The following NCKAP1 variants were observed in gnomAD, a reference collection of about 807,000 sequenced individuals.
NCKAP1 encodes the protein NCK associated protein 1, also known as nck-associated protein 1.
NCKAP1 carries 21 observed loss-of-function variants against 151.2 expected under a neutral mutation model. The observed-to-expected ratio is 0.14, with a 90% CI of 0.10 to 0.20. NCKAP1 has a LOEUF of 0.20. NCKAP1 is among the 10% of genes least tolerant of loss of function. The pLI, the probability that NCKAP1 is intolerant of heterozygous loss-of-function variation, is 1.00. For synonymous variants in NCKAP1, 484 were observed against 451.8 expected, an observed-to-expected ratio of 1.07 and a Z score of -0.90; for missense variants, 933 against 1,352.1, an observed-to-expected ratio of 0.69 and a Z score of 4.86.
At chr2:183,028,730 A>G (rs1366349442) in intron 1 of NCKAP1, among the ~76,000 whole-genome samples, 1 of 152,148 alleles carries the variant, frequency 6.6e-6, no homozygotes, top group African/African-American at 2.4e-5. Flanking sequence ...TAGTTAATAA[A>G]TAAGTTCCAA....
At chr2:182,946,609 A>G (rs1354214528) in intron 23 of NCKAP1, among the ~76,000 whole-genome samples, 12 of 152,114 alleles carry the variant, frequency 7.9e-5, no homozygotes, top group Admixed American at 7.2e-4. Context: ...GAAAGAAAAA[A>G]AAAATGCTCA....
intron 8 of NCKAP1, among the ~76,000 whole-genome samples, chr2:182,989,978 A>C: frequency 6.6e-6 from 1 of 151,270 alleles, no homozygotes; most frequent in East Asian, 1.9e-4. Flanking sequence ...TGACAGAGCA[A>C]GACTCTGTCT....
intron 23 of NCKAP1, among the ~76,000 whole-genome samples, chr2:182,946,712 G>A (rs1287199965): frequency 7.4e-6 from 1 of 135,394 alleles, no homozygotes; most frequent in Non-Finnish European, 1.6e-5. Flanking sequence ...TCAAGTCAGA[G>A]GTAAAAAAAT....
chr2:182,973,119 T>C (rs1216584406), intron 15 of NCKAP1, among the ~76,000 whole-genome samples: 2 of 152,154 alleles, frequency 1.3e-5, no homozygotes, highest in African/African-American at 2.4e-5. Flanking sequence ...TTATACACTG[T>C]ATGCTTGTAT....
At position 182,924,342 on chromosome 2, in the gene NCKAP1, G is replaced by GTA. The variant is rs1696599897; in HGVS notation, c.*1358_*1359dup. On this transcript the variant is annotated 3_prime_UTR_variant, in exon 31 of 31. Coordinates refer to ENST00000361354, the MANE Select transcript of NCKAP1 (RefSeq NM_013436.5). ...TTTTATCTTAACACAAGTTACCAGT[G>GTA]TATACATAAGAAGCTGTGAACAGAA... 6.6e-6 allele frequency: 1 copy of GTA among 152,154 alleles called. No individual in the cohort carries two copies. The highest frequency in any genetic ancestry group is 1.5e-5 in the Non-Finnish European group (1 of 68,032). 9.4% of individuals were successfully genotyped at this position (152,154 alleles called of 1,614,324 possible).
intron 2 of NCKAP1, among the ~76,000 whole-genome samples, chr2:183,017,912 AACT>A (rs1282412771): frequency 6.6e-6 from 1 of 152,182 alleles, no homozygotes; most frequent in Admixed American, 6.5e-5. Flanking sequence ...GGAAACAATG[AACT>A]ACTCCTTGAG....
intron 10 of NCKAP1, 86 bp from the exon 11 acceptor site, chr2:182,983,468 T>A: frequency 1.1e-6 from 1 of 915,778 alleles, no homozygotes; most frequent in South Asian, 1.8e-5. Flanking sequence ...TAGGTGCAAC[T>A]TCCAAAGTCT....
chr2:182,996,702 T>C (rs1698277112), intron 6 of NCKAP1, among the ~76,000 whole-genome samples: 1 of 152,160 alleles, frequency 6.6e-6, no homozygotes, highest in African/African-American at 2.4e-5. Context: ...CTGATCCGCC[T>C]GCATCGGCCT....
chr2:182,997,634 T>C (rs1469232884), intron 6 of NCKAP1, among the ~76,000 whole-genome samples: 1 of 152,198 alleles, frequency 6.6e-6, no homozygotes, highest in African/African-American at 2.4e-5. Flanking sequence ...TATTGAGATT[T>C]GCTTTATGAA....
At chr2:182,970,581 G>GA (rs1697666394) in intron 15 of NCKAP1, among the ~76,000 whole-genome samples, 1 of 151,874 alleles carries the variant, frequency 6.6e-6, no homozygotes, top group Non-Finnish European at 1.5e-5. Flanking sequence ...ACTAGGTATG[G>GA]AAAAAAACAT....
intron 15 of NCKAP1, among the ~76,000 whole-genome samples, chr2:182,968,255 A>G (rs1302849903): frequency 2.0e-5 from 3 of 152,208 alleles, no homozygotes; most frequent in Admixed American, 1.3e-4. Context: ...GCAGAAATCT[A>G]TTAGAAGGCA....
intron 2 of NCKAP1, among the ~76,000 whole-genome samples, chr2:183,009,592 A>G (rs1250711429): frequency 2.0e-5 from 3 of 152,226 alleles, no homozygotes; most frequent in Non-Finnish European, 4.4e-5. Flanking sequence ...AATCCTCTTA[A>G]TACTTTTTCA....
intron 1 of NCKAP1, among the ~76,000 whole-genome samples, chr2:183,024,249 C>A (rs1396776619): frequency 3.9e-5 from 6 of 152,216 alleles, no homozygotes; most frequent in African/African-American, 1.4e-4. Context: ...TAAAATATTA[C>A]AAAATTAAAT....
chr2:183,020,459 T>C (rs557978563), intron 2 of NCKAP1, among the ~76,000 whole-genome samples: 52 of 129,144 alleles, frequency 4.0e-4, no homozygotes, highest in Middle Eastern at 7.8e-3. Flanking sequence ...AGCAGGACCG[T>C]GTCCCAAAAA....
chr2:182,989,792 G>A (rs1343700551), intron 8 of NCKAP1, among the ~76,000 whole-genome samples: 1 of 151,934 alleles, frequency 6.6e-6, no homozygotes, highest in African/African-American at 2.4e-5. Context: ...ATGAGGTTAG[G>A]AGTTCGAGAC....
chr2:183,032,892 A>T (rs1270896506), intron 1 of NCKAP1, among the ~76,000 whole-genome samples: 1 of 152,172 alleles, frequency 6.6e-6, no homozygotes, highest in Non-Finnish European at 1.5e-5. Context: ...ATCAAAAAAA[A>T]TACAAAAATT....
chr2:182,993,590 T>C (rs919665719), intron 8 of NCKAP1, among the ~76,000 whole-genome samples: 1 of 152,096 alleles, frequency 6.6e-6, no homozygotes, highest in African/African-American at 2.4e-5. Flanking sequence ...CGGATGGAGA[T>C]GGAGGTCATT....
chr2:182,958,891 A>G (rs991479023), intron 18 of NCKAP1, among the ~76,000 whole-genome samples: 4 of 152,234 alleles, frequency 2.6e-5, no homozygotes, highest in Non-Finnish European at 5.9e-5. Flanking sequence ...GTTATAAGAT[A>G]AACACCAGAT....
intron 27 of NCKAP1, among the ~76,000 whole-genome samples, chr2:182,929,199 C>T (rs1696710092): frequency 1.3e-5 from 2 of 151,520 alleles, no homozygotes; most frequent in African/African-American, 2.4e-5. Context: ...ACAAAAAATA[C>T]AGTTAGGATA....
Sources: gnomAD v4.1 joint callset for allele counts (sites outside exome capture counted in the v4.1 genomes callset) on GRCh38, gnomAD v4.1.1 for gene constraint, MANE v1.5 for transcripts, NCBI Gene and HGNC (gene_info 2026-07-23, HGNC 2026-07-21) for gene names.